The following ZBED6 variants were observed in gnomAD, a reference collection of about 807,000 sequenced individuals.
ZBED6 encodes the protein zinc finger BED-type containing 6.
A neutral mutation model predicts 58.4 loss-of-function variants in ZBED6; 40 were observed. That is an observed-to-expected ratio of 0.68 (90% CI 0.53 to 0.89). ZBED6 has a LOEUF of 0.89. ZBED6 is among the 40% of genes least tolerant of loss of function. The pLI, the probability that ZBED6 is intolerant of heterozygous loss-of-function variation, is 0.00. For missense variants in ZBED6, 1,057 were observed against 1,003.9 expected (o/e 1.05, Z -0.71); for synonymous variants, 439 against 350.6 (o/e 1.25, Z -2.82).
intron 8 of ZBED6, among the ~76,000 whole-genome samples, chr1:203,833,303 T>G (rs1011675195): frequency 1.4e-5 from 2 of 148,078 alleles, no homozygotes; most frequent in African/African-American, 5.0e-5. Flanking sequence ...AGGTGGAGGT[T>G]GCAGTGAGCC....
intron 10 of ZBED6, among the ~76,000 whole-genome samples, chr1:203,839,412 A>G (rs1310967068): frequency 6.6e-6 from 1 of 152,200 alleles, no homozygotes. Context: ...TTCTGCTTGT[A>G]TGACTTGCAG....
chr1:203,831,905 T>A, intron 8 of ZBED6, 134 bp downstream of exon 8: 1 of 687,454 alleles, frequency 1.5e-6, no homozygotes, highest in Admixed American at 2.9e-5. Context: ...AATCTAAAGA[T>A]GAAAAGTTGG....
At chr1:203,819,560 GT>G (rs1382273433) in intron 3 of ZBED6, among the ~76,000 whole-genome samples, 1 of 77,008 alleles carries the variant, frequency 1.3e-5, no homozygotes, top group Non-Finnish European at 2.6e-5. Context: ...TTGAGACAGA[GT>G]TTTGCTCTTG....
chr1:203,800,605 C>A, exon 1 of ZBED6: 1 of 673,088 alleles, frequency 1.5e-6, no homozygotes, highest in South Asian at 3.4e-5. Context: ...TCCTCAGAGG[C>A]AATATAATTT....
chr1:203,850,542 C>G (rs1291267917), exon 15 of ZBED6: 30 of 1,613,814 alleles, frequency 1.9e-5, no homozygotes, highest in Non-Finnish European at 2.5e-5. Flanking sequence ...GTGAAGCCAT[C>G]TGTGGTTAAA....
chr1:203,846,256 A>G (rs926313161), intron 11 of ZBED6, among the ~76,000 whole-genome samples: 4 of 149,704 alleles, frequency 2.7e-5, no homozygotes, highest in Non-Finnish European at 5.9e-5. Flanking sequence ...ATCTCTTTTC[A>G]TTATTTATTT....
chr1:203,847,614 C>T lies in ZBED6; in HGVS notation c.*4172C>T, dbSNP rs752354463. 5.0e-6 allele frequency: 8 copies of T among 1,613,484 alleles called. No homozygotes were observed. The East Asian group carries it at 1.8e-4, about 36-fold the overall frequency. On this transcript the variant is annotated 3_prime_UTR_variant, in exon 12 of 17. Coordinates refer to ENST00000550078, the Ensembl canonical transcript of ZBED6. ...TGAGGGTGCAGCAGAGCTCTGAGAG[C>T]AGCACCAGCTCCCCGTCTCAACACG...
intron 1 of ZBED6, among the ~76,000 whole-genome samples, chr1:203,804,766 A>G (rs11240539): frequency 0.19 from 28,502 of 148,526 alleles, 3,187 homozygotes; most frequent in East Asian, 0.45. Context: ...TCTGCCTTCC[A>G]GGTTCAAGTG....
chr1:203,815,216 C>CTTTT (rs59254922), intron 1 of ZBED6, among the ~76,000 whole-genome samples: 16,092 of 96,246 alleles, frequency 0.17, 2,672 homozygotes, highest in South Asian at 0.24. Flanking sequence ...CTTTTCTTTT[C>CTTTT]TTTTTTTTTT....
intron 10 of ZBED6, among the ~76,000 whole-genome samples, chr1:203,839,246 T>A (rs542855551): frequency 1.3e-5 from 2 of 152,212 alleles, no homozygotes; most frequent in African/African-American, 4.8e-5. Context: ...GGTTTCACAG[T>A]GTTGCCTAGG....
chr1:203,796,210 C>T (rs895228219), exon 1 of ZBED6: 3 of 389,182 alleles, frequency 7.7e-6, no homozygotes, highest in Admixed American at 8.9e-5. Context: ...GCAACAGTTT[C>T]TCTAGTTGAG....
At chr1:203,808,754 GC>G (rs1479743270) in intron 1 of ZBED6, among the ~76,000 whole-genome samples, 1 of 152,076 alleles carries the variant, frequency 6.6e-6, no homozygotes, top group Non-Finnish European at 1.5e-5. Flanking sequence ...GAAGGTAGGG[GC>G]TGGAAATTAG....
At chr1:203,831,283 A>G (rs1449046087) in intron 7 of ZBED6, among the ~76,000 whole-genome samples, 1 of 152,108 alleles carries the variant, frequency 6.6e-6, no homozygotes, top group East Asian at 1.9e-4. Flanking sequence ...CTTGCTTTAT[A>G]GCAACCTTGG....
At chr1:203,826,473 T>C (rs1680575056) in intron 3 of ZBED6, among the ~76,000 whole-genome samples, 1 of 152,080 alleles carries the variant, frequency 6.6e-6, no homozygotes, top group Admixed American at 6.6e-5. Context: ...AAACTGATTT[T>C]GCCAAATCAC....
chr1:203,798,515 A>G, exon 1 of ZBED6: 1 of 1,536,150 alleles, frequency 6.5e-7, no homozygotes, highest in Non-Finnish European at 8.7e-7. Flanking sequence ...TTGCAAATGG[A>G]TTAGATGAAG....
chr1:203,810,088 T>A (rs1673848055), intron 1 of ZBED6, among the ~76,000 whole-genome samples: 1 of 151,748 alleles, frequency 6.6e-6, no homozygotes, highest in Non-Finnish European at 1.5e-5. Context: ...TAGTATTGAT[T>A]ATAAAGTCAT....
At chr1:203,828,669 C>T (rs1435256777) in intron 4 of ZBED6, among the ~76,000 whole-genome samples, 2 of 152,094 alleles carry the variant, frequency 1.3e-5, no homozygotes, top group Admixed American at 6.6e-5. Flanking sequence ...CTTATCAGAC[C>T]CATAAACGTT....
chr1:203,812,437 C>A (rs528922479), intron 1 of ZBED6, among the ~76,000 whole-genome samples: 1 of 152,186 alleles, frequency 6.6e-6, no homozygotes, highest in East Asian at 1.9e-4. Context: ...CATTCATGTC[C>A]CTGCAAAGGA....
exon 1 of ZBED6, chr1:203,798,072 T>C (rs1478933764): frequency 6.5e-7 from 1 of 1,536,140 alleles, no homozygotes; most frequent in South Asian, 1.2e-5. Flanking sequence ...TTCACCTCAT[T>C]GGACCAGGGC....
Sources: allele counts gnomAD v4.1 joint callset (sites outside exome capture counted in the v4.1 genomes callset), GRCh38; gene constraint gnomAD v4.1.1; transcripts MANE v1.5; gene names NCBI Gene and HGNC (gene_info 2026-07-23, HGNC 2026-07-21).